RPS5: variants seen among roughly 807,000 people sequenced by gnomAD.
RPS5 encodes ribosomal protein S5, also known as small ribosomal subunit protein uS7.
RPS5 carries 2 observed loss-of-function variants against 20.9 expected under a neutral mutation model. The ratio of observed to expected loss-of-function variants is 0.10; its 90% confidence interval spans 0.04 to 0.30. The LOEUF (loss-of-function observed/expected upper bound fraction) is 0.30. RPS5 is among the 10% of genes least tolerant of loss of function. The pLI, the probability that RPS5 is intolerant of heterozygous loss-of-function variation, is 1.00. For synonymous variants in RPS5, 112 were observed against 105.8 expected, an observed-to-expected ratio of 1.06 and a Z score of -0.36; for missense variants, 122 against 287.2, an observed-to-expected ratio of 0.42 and a Z score of 4.16.
intron 2 of RPS5, 109 bp downstream of exon 2, chr19:58,388,354 C>T: frequency 3.9e-6 from 3 of 770,584 alleles, no homozygotes; most frequent in Admixed American, 2.1e-5. Flanking sequence ...GAGATCATAA[C>T]AGGTAAAGAA....
intron 2 of RPS5, among the ~76,000 whole-genome samples, chr19:58,390,840 G>A (rs1299755414): frequency 2.0e-5 from 3 of 151,888 alleles, no homozygotes; most frequent in Non-Finnish European, 4.4e-5. Context: ...TGCCCTTCAC[G>A]AGACTGTGAG....
intron 2 of RPS5, chr19:58,388,559 G>A: frequency 2.2e-6 from 1 of 445,716 alleles, no homozygotes; most frequent in Non-Finnish European, 4.0e-6. Context: ...CAGTTATCCA[G>A]TACCATCTCC....
chr19:58,392,168 A>G (rs1378427821), intron 2 of RPS5, among the ~76,000 whole-genome samples: 2 of 152,038 alleles, frequency 1.3e-5, no homozygotes, highest in African/African-American at 4.8e-5. Context: ...TTAAAAGTAC[A>G]AAAAATTTAG....
chr19:58,394,297 A>C, intron 4 of RPS5, 200 bp from the exon 5 acceptor site: 1 of 578,654 alleles, frequency 1.7e-6, no homozygotes, highest in Non-Finnish European at 3.1e-6. Context: ...TGGGGACGCA[A>C]CTTCAGCCTG....
intron 4 of RPS5, 50 bp from the exon 5 acceptor site, chr19:58,394,447 C>G (rs1568574981): frequency 6.5e-7 from 1 of 1,530,884 alleles, no homozygotes; most frequent in Middle Eastern, 2.2e-4. Context: ...CCCCAGGGTG[C>G]TGGAGGACCG....
chr19:58,392,900 T>A (rs2052372913), intron 2 of RPS5, 76 bp from the exon 3 acceptor site: 1 of 1,391,308 alleles, frequency 7.2e-7, no homozygotes, highest in Non-Finnish European at 1.0e-6. Context: ...GTACTTGATC[T>A]CTCCTCTGGT....
chr19:58,387,922 T>C (rs1365511182), intron 1 of RPS5: 8 of 568,566 alleles, frequency 1.4e-5, no homozygotes, highest in Non-Finnish European at 2.5e-5. Context: ...TGCCAAGTCT[T>C]GGGCCCAGGG....
chr19:58,391,650 G>A (rs1422620240), intron 2 of RPS5, among the ~76,000 whole-genome samples: 2 of 151,874 alleles, frequency 1.3e-5, no homozygotes, highest in Non-Finnish European at 2.9e-5. Flanking sequence ...TCTCAGCCAG[G>A]TGCAGTGGCT....
intron 1 of RPS5, chr19:58,387,659 C>G (rs558127414): frequency 1.2e-5 from 2 of 164,120 alleles, no homozygotes; most frequent in African/African-American, 4.8e-5. Context: ...CCCCTAGAGC[C>G]TTCATACTGT....
At chr19:58,394,212 A>G in intron 4 of RPS5, 2 of 391,944 alleles carry the variant, frequency 5.1e-6, no homozygotes, top group Non-Finnish European at 4.8e-6. Context: ...AGCATCCCGA[A>G]GTGTTACAGG....
In RPS5 at chr19:58,387,906, G is replaced by C. The variant is rs1451196633; in HGVS notation, c.-1-231G>C. The C allele has an allele frequency of 5.4e-6, 3 of 557,256 alleles. No individual in the cohort carries two copies. The African/African-American group carries it at 5.7e-5, about 11-fold the overall frequency. The allele number at this position is 557,256 out of a possible 1,614,324, so 34.5% of individuals were successfully genotyped here. A position where few individuals can be genotyped will look rare whatever the true frequency, so the allele number is the denominator to read the frequency against. On this transcript the variant is annotated intron_variant, in intron 1 of 5. Coordinates refer to ENST00000196551, the MANE Select transcript of RPS5 (RefSeq NM_001009.4). ...GGTCCCAGTGCAGCAGCTGTTGACT[G>C]GTGGCTGCCAAGTCTTGGGCCCAGG...
intron 2 of RPS5, among the ~76,000 whole-genome samples, chr19:58,391,419 C>T (rs1159790811): frequency 3.3e-5 from 4 of 119,510 alleles, no homozygotes; most frequent in Admixed American, 1.1e-4. Context: ...CCAACAAGAG[C>T]GAAACTCCAT....
At chr19:58,391,432 CAAAAAA>C (rs35576516) in intron 2 of RPS5, among the ~76,000 whole-genome samples, 10 of 76,006 alleles carry the variant, frequency 1.3e-4, no homozygotes, top group African/African-American at 5.4e-4. Flanking sequence ...AACTCCATCT[CAAAAAA>C]AAAAAAAAAA....
intron 2 of RPS5, 124 bp downstream of exon 2, chr19:58,388,369 T>A: frequency 2.9e-6 from 2 of 691,796 alleles, no homozygotes; most frequent in South Asian, 3.3e-5. Flanking sequence ...AAAGAAGGGA[T>A]CCCTTGACCA....
chr19:58,393,578 G>T (rs2052377789), intron 4 of RPS5, 91 bp downstream of exon 4: 3 of 1,489,316 alleles, frequency 2.0e-6, no homozygotes, highest in Non-Finnish European at 1.8e-6. Context: ...CTCTCTGTCT[G>T]CATGTTTTAC....
chr19:58,393,166 T>C lies in RPS5; in HGVS notation c.299T>C (p.Ile100Thr), dbSNP rs753707781. 1 of 1,614,204 alleles carries C rather than the reference T, an allele frequency of 6.2e-7. No homozygotes were observed. Among genetic ancestry groups the C allele is most frequent in the East Asian group, 2.2e-5 (1 of 44,884 alleles). The change falls in exon 3 of 6, where the codon ATA becomes ACA. Residue 100 changes from isoleucine (I) to threonine (T), a missense_variant. Coordinates refer to ENST00000196551, the MANE Select transcript of RPS5 (RefSeq NM_001009.4). Reference protein sequence around the residue: ...VRIVKHAFEIIHLLTGENPLQ... With the variant: ...VRIVKHAFEITHLLTGENPLQ... ...ATCGTCAAGCATGCCTTCGAGATCA[T>C]ACACCTGCTCACAGGCGAGGTAGGG...
At chr19:58,387,938 A>G in intron 1 of RPS5, 199 bp from the exon 2 acceptor site, 1 of 581,274 alleles carries the variant, frequency 1.7e-6, no homozygotes, top group Non-Finnish European at 3.1e-6. Context: ...CAGGGGTTCT[A>G]GGTGAAAGAC....
rs973858057 is a variant in RPS5, at chr19:58,388,332, A to T, written c.108+87A>T. 4 of 909,658 alleles carry T rather than the reference A, an allele frequency of 4.4e-6. No homozygotes were observed. The African/African-American group carries it at 6.6e-5, about 15-fold the overall frequency. The allele number at this position is 909,658 out of a possible 1,614,324, so 56.3% of individuals were successfully genotyped here. A position where few individuals can be genotyped will look rare whatever the true frequency, so the allele number is the denominator to read the frequency against. On this transcript the variant is annotated intron_variant, in intron 2 of 5. Transcript: ENST00000196551. ...ACATCAAACTTGTTGCTGTGCCATTAAGTCAAGAATAGAGATCATAACAGG... is the reference window on the plus strand; with the variant it reads ...ACATCAAACTTGTTGCTGTGCCATTTAGTCAAGAATAGAGATCATAACAGG...
chr19:58,393,266 C>T (rs2052375655), intron 3 of RPS5, 81 bp downstream of exon 3: 4 of 1,609,510 alleles, frequency 2.5e-6, no homozygotes, highest in Non-Finnish European at 3.4e-6. Flanking sequence ...CAGGCTTATC[C>T]CCTGTGTGGT....
Sources: allele counts gnomAD v4.1 joint callset (sites outside exome capture counted in the v4.1 genomes callset), GRCh38; gene constraint gnomAD v4.1.1; transcripts MANE v1.5; gene names NCBI Gene and HGNC (gene_info 2026-07-23, HGNC 2026-07-21).